Variants in TG observed in about 807,000 individuals in gnomAD.
TG encodes the protein thyroglobulin.
In TG, 270 loss-of-function variants were observed where a neutral mutation model predicts 324.7. The observed-to-expected ratio is 0.83, with a 90% confidence interval of 0.75 to 0.92. The LOEUF (loss-of-function observed/expected upper bound fraction) is 0.92. TG is among the 40% of genes least tolerant of loss of function. The pLI, the probability that TG is intolerant of heterozygous loss-of-function variation, is 0.00. For synonymous variants in TG, 1,401 were observed against 1,327.0 expected (o/e 1.06, Z -1.21); for missense variants, 3,591 against 3,456.4 (o/e 1.04, Z -0.98).
Position 132,913,274 on chromosome 8 carries a change from A to G in TG, c.4378+9A>G. ...GGACGGACTGGGATGCGGTAGGTCC[A>G]CTCTCTCCCTGGATATCTCCTGTGG... On this transcript the variant is annotated intron_variant, in intron 20 of 47. Transcript: ENST00000220616. The G allele has an allele frequency of 1.2e-6, 2 of 1,612,486 alleles. No homozygotes were observed. The highest frequency in any genetic ancestry group is 1.7e-6 in the Non-Finnish European group (2 of 1,179,234).
intron 10 of TG, among the ~76,000 whole-genome samples, chr8:132,892,466 G>A (rs1174935101): frequency 6.6e-6 from 1 of 152,232 alleles, no homozygotes; most frequent in Non-Finnish European, 1.5e-5. Flanking sequence ...CTGCGTAGAT[G>A]TGCTCAGGAT....
At chr8:133,094,313 C>T (rs1458398647) in intron 41 of TG, among the ~76,000 whole-genome samples, 13 of 147,114 alleles carry the variant, frequency 8.8e-5, no homozygotes, top group Non-Finnish European at 1.8e-4. Context: ...CGATCTCGGT[C>T]CACTGCAAGC....
intron 28 of TG, among the ~76,000 whole-genome samples, chr8:132,962,526 C>A (rs1827906849): frequency 6.6e-6 from 1 of 152,216 alleles, no homozygotes; most frequent in Non-Finnish European, 1.5e-5. Context: ...CTGATACCTG[C>A]ACTGCCACAG....
chr8:132,925,944 C>T (rs1363138205), intron 22 of TG, among the ~76,000 whole-genome samples: 1 of 152,200 alleles, frequency 6.6e-6, no homozygotes, highest in Non-Finnish European at 1.5e-5. Flanking sequence ...GATGATGCCT[C>T]CCTGAGGCGC....
chr8:133,095,293 C>T (rs1027928681), intron 42 of TG, 85 bp downstream of exon 42: 19 of 1,580,946 alleles, frequency 1.2e-5, no homozygotes, highest in Non-Finnish European at 1.6e-5. Flanking sequence ...AGGTGTCACC[C>T]ACCCCAGCCA....
intron 41 of TG, chr8:133,038,659 G>T (rs1185798830): frequency 6.2e-7 from 1 of 1,613,732 alleles, no homozygotes. Flanking sequence ...AAGAGGCAAT[G>T]CTCTCTCGAA....
At chr8:133,071,126 A>G (rs1843942488) in intron 41 of TG, among the ~76,000 whole-genome samples, 1 of 152,102 alleles carries the variant, frequency 6.6e-6, no homozygotes, top group Non-Finnish European at 1.5e-5. Flanking sequence ...CCGTCCCTTG[A>G]TGAGGCTTCG....
intron 10 of TG, among the ~76,000 whole-genome samples, chr8:132,889,293 G>A (rs1179438996): frequency 6.6e-6 from 1 of 152,234 alleles, no homozygotes; most frequent in Non-Finnish European, 1.5e-5. Context: ...ACCAGCCATT[G>A]CTAATATTAT....
chr8:132,985,812 A>G (rs970219448), intron 35 of TG, among the ~76,000 whole-genome samples: 1 of 152,010 alleles, frequency 6.6e-6, no homozygotes, highest in Non-Finnish European at 1.5e-5. Flanking sequence ...ACATGCCTCC[A>G]TCTCCCATTC....
intron 40 of TG, among the ~76,000 whole-genome samples, chr8:133,028,360 C>G (rs1213035744): frequency 6.6e-6 from 1 of 152,216 alleles, no homozygotes; most frequent in Non-Finnish European, 1.5e-5. Context: ...AGTCCCAGAA[C>G]ACAAAATGCA....
chr8:133,127,631 C>CTT (rs1486078317), intron 45 of TG, among the ~76,000 whole-genome samples: 1 of 152,178 alleles, frequency 6.6e-6, no homozygotes, highest in East Asian at 1.9e-4. Context: ...TAGGCCGTCA[C>CTT]ACCTTTCGAA....
At chr8:132,905,569 G>A (rs900733232) in intron 16 of TG, among the ~76,000 whole-genome samples, 4 of 152,144 alleles carry the variant, frequency 2.6e-5, no homozygotes, top group Non-Finnish European at 4.4e-5. Context: ...AAATTGTCAC[G>A]ATGAGTGTGT....
chr8:133,017,781 T>C lies in TG; in HGVS notation c.6566T>C (p.Ile2189Thr). Residue 2189 changes from isoleucine to threonine, a missense_variant, in exon 38 of 48, where the codon ATC (isoleucine) becomes ACC (threonine). Ile to Thr is a moderately conservative substitution (Grantham distance 89). Coordinates refer to ENST00000220616, the MANE Select transcript of TG (RefSeq NM_003235.5). ...EATHIYRKPG[I>T]SLLSYEASVP... ...TTTCTCTTCCCTTTCCCAACAGGAATCTCTCTGCTCAGCTATGAGGCATCT... is the reference window on the plus strand; with the variant it reads ...TTTCTCTTCCCTTTCCCAACAGGAACCTCTCTGCTCAGCTATGAGGCATCT... 1 of 1,614,152 alleles carries C rather than the reference T, an allele frequency of 6.2e-7. No individual in the cohort carries two copies. Among genetic ancestry groups the C allele is most frequent in the Non-Finnish European group, 8.5e-7 (1 of 1,180,022 alleles).
chr8:133,133,596 G>A lies in TG; in HGVS notation c.8124G>A (p.Gln2708=), dbSNP rs769611277. ...TCAGTGAGCTGCTCCCCAATCGACA[G>A]GGCCTGAAGAAAGCCGACTGCTCCT... ...KEFSELLPNR[Q]GLKKADCSFW... Residue 2708 remains glutamine, a synonymous_variant, in exon 47 of 48, where the codon CAG becomes CAA. Transcript: ENST00000220616. The A allele has an allele frequency of 1.9e-6, 3 of 1,614,120 alleles. No individual in the cohort carries two copies. The highest frequency in any genetic ancestry group is 1.7e-6 in the Non-Finnish European group (2 of 1,180,052).
intron 41 of TG, among the ~76,000 whole-genome samples, chr8:133,082,941 G>A (rs4377944): frequency 0.29 from 44,608 of 152,004 alleles, 6,752 homozygotes; most frequent in African/African-American, 0.34. Flanking sequence ...AGTTATAACC[G>A]ACTAGATGGG....
intron 7 of TG, 83 bp from the exon 8 acceptor site, chr8:132,882,731 C>G (rs1049541937): frequency 5.0e-6 from 8 of 1,611,452 alleles, no homozygotes; most frequent in Non-Finnish European, 5.9e-6. Flanking sequence ...TGAAAAGAAT[C>G]GTTAAGAGCA....
intron 45 of TG, among the ~76,000 whole-genome samples, chr8:133,129,817 CCTT>C (rs879938278): frequency 1.3e-5 from 2 of 152,232 alleles, no homozygotes; most frequent in African/African-American, 2.4e-5. Flanking sequence ...CAGGTCATGA[CCTT>C]CTTGAGAATG....
At chr8:133,063,968 T>A (rs778560589) in intron 41 of TG, 1 of 152,330 alleles carries the variant, frequency 6.6e-6, no homozygotes, top group Middle Eastern at 3.4e-3. Context: ...ACCGGAGACA[T>A]AATTGCTTCT....
chr8:133,118,463 T>A (rs1054591971), intron 45 of TG, among the ~76,000 whole-genome samples: 1 of 151,970 alleles, frequency 6.6e-6, no homozygotes, highest in African/African-American at 2.4e-5. Flanking sequence ...TAGCTGGAAT[T>A]ACAGGCATGC....
Sources: gnomAD v4.1 joint callset for allele counts (sites outside exome capture counted in the v4.1 genomes callset) on GRCh38, gnomAD v4.1.1 for gene constraint, MANE v1.5 for transcripts, NCBI Gene and HGNC (gene_info 2026-07-23, HGNC 2026-07-21) for gene names.